Variants in ENOX1 observed in about 807,000 individuals in gnomAD.
ENOX1 encodes ecto-NOX disulfide-thiol exchanger 1.
ENOX1 carries 42 observed loss-of-function variants against 82.5 expected under a neutral mutation model. That is an observed-to-expected ratio of 0.51 (90% CI 0.40 to 0.66). The LOEUF (loss-of-function observed/expected upper bound fraction) is 0.66. ENOX1 is among the 30% of genes least tolerant of loss of function. ENOX1 has a pLI of 0.00. For missense variants in ENOX1, 608 were observed against 811.6 expected (o/e 0.75, Z 3.05); for synonymous variants, 271 against 282.2 (o/e 0.96, Z 0.40).
chr13:43,681,489 A>G (rs2085781150), intron 1 of ENOX1, among the ~76,000 whole-genome samples: 1 of 152,134 alleles, frequency 6.6e-6, no homozygotes, highest in South Asian at 2.1e-4. Context: ...CTTGGGAAGA[A>G]AATCTTGAGA....
At chr13:43,425,593 C>A (rs1193794110) in intron 3 of ENOX1, among the ~76,000 whole-genome samples, 1 of 152,122 alleles carries the variant, frequency 6.6e-6, no homozygotes, top group Non-Finnish European at 1.5e-5. Context: ...CCAAAGGACC[C>A]ATCTGCCTCT....
chr13:43,277,873 C>G (rs1338864629), intron 12 of ENOX1, among the ~76,000 whole-genome samples: 1 of 152,032 alleles, frequency 6.6e-6, no homozygotes, highest in Non-Finnish European at 1.5e-5. Flanking sequence ...TTTTTAGGAC[C>G]TCAGGAGGCA....
intron 1 of ENOX1, among the ~76,000 whole-genome samples, chr13:43,783,223 T>C (rs1225455987): frequency 1.3e-5 from 2 of 152,170 alleles, no homozygotes; most frequent in African/African-American, 2.4e-5. Flanking sequence ...GCAGGAATCA[T>C]AGGACTTTTA....
rs115887105 is a variant in ENOX1, at chr13:43,409,637, T to C, written c.208+2279A>G. On this transcript the variant is annotated intron_variant, in intron 5 of 16. Transcript: ENST00000690772. ...AACTTGGCTAGTAACAGTGAAAAAA[T>C]GGAAACAGCCTAAATGTAAATAGTA... 2.3e-3 allele frequency among the ~76,000 whole-genome samples: 350 copies of C among 152,190 alleles called. 2 individuals are homozygous for C. Among genetic ancestry groups the C allele is most frequent in the African/African-American group, 7.8e-3 (326 of 41,536 alleles).
At chr13:43,368,097 G>C (rs1364528249) in intron 5 of ENOX1, among the ~76,000 whole-genome samples, 2 of 152,196 alleles carry the variant, frequency 1.3e-5, no homozygotes, top group African/African-American at 4.8e-5. Context: ...CTTTAAGAAA[G>C]TGAAACTGAA....
intron 5 of ENOX1, among the ~76,000 whole-genome samples, chr13:43,397,810 T>C (rs1206129498): frequency 6.6e-6 from 1 of 152,238 alleles, no homozygotes; most frequent in Non-Finnish European, 1.5e-5. Flanking sequence ...TGAGATTATA[T>C]ACTGTGTGTC....
chr13:43,505,563 G>T (rs996662386), intron 2 of ENOX1, among the ~76,000 whole-genome samples: 4 of 152,048 alleles, frequency 2.6e-5, no homozygotes, highest in African/African-American at 9.7e-5. Context: ...CCCTTGAGAA[G>T]TGTCTGTTTA....
At chr13:43,316,215 C>G (rs2047474876) in intron 11 of ENOX1, among the ~76,000 whole-genome samples, 1 of 152,110 alleles carries the variant, frequency 6.6e-6, no homozygotes, top group African/African-American at 2.4e-5. Flanking sequence ...GAGACCCCAC[C>G]CAGGTCTAAG....
intron 2 of ENOX1, among the ~76,000 whole-genome samples, chr13:43,557,829 T>C (rs2079507772): frequency 6.6e-6 from 1 of 152,144 alleles, no homozygotes; most frequent in African/African-American, 2.4e-5. Flanking sequence ...AAAAAATTCA[T>C]TTTGTGGTTG....
At chr13:43,759,101 T>TC (rs1950819382) in intron 1 of ENOX1, among the ~76,000 whole-genome samples, 2 of 145,378 alleles carry the variant, frequency 1.4e-5, no homozygotes, top group Middle Eastern at 3.5e-3. Context: ...AAGTTTCTTT[T>TC]TTTTTTTTTT....
intron 2 of ENOX1, among the ~76,000 whole-genome samples, chr13:43,552,543 C>T (rs1045847647): frequency 2.2e-4 from 34 of 152,050 alleles, no homozygotes; most frequent in African/African-American, 8.2e-4. Flanking sequence ...TATTTCTCTG[C>T]ATCTCCATGT....
intron 9 of ENOX1, among the ~76,000 whole-genome samples, chr13:43,332,584 A>G (rs2048468783): frequency 6.6e-6 from 1 of 152,224 alleles, no homozygotes; most frequent in Non-Finnish European, 1.5e-5. Flanking sequence ...CAAGCAAGCA[A>G]GAAATGATCA....
chr13:43,600,134 A>C (rs1314859382), intron 2 of ENOX1, among the ~76,000 whole-genome samples: 1 of 152,080 alleles, frequency 6.6e-6, no homozygotes, highest in East Asian at 1.9e-4. Flanking sequence ...CTTACGCTTG[A>C]GAAAAGGAAA....
chr13:43,753,393 T>G (rs1274558580), intron 1 of ENOX1, among the ~76,000 whole-genome samples: 1 of 152,234 alleles, frequency 6.6e-6, no homozygotes, highest in Non-Finnish European at 1.5e-5. Flanking sequence ...TCTTGTCAGA[T>G]GTATCCCTAA....
At chr13:43,610,949 T>C (rs1324169731) in intron 2 of ENOX1, among the ~76,000 whole-genome samples, 2 of 152,202 alleles carry the variant, frequency 1.3e-5, no homozygotes, top group South Asian at 4.1e-4. Context: ...TAAAATAGGA[T>C]GGTGGTGGTT....
At chr13:43,403,734 G>A (rs2053627485) in intron 5 of ENOX1, among the ~76,000 whole-genome samples, 1 of 152,018 alleles carries the variant, frequency 6.6e-6, no homozygotes, top group Admixed American at 6.6e-5. Context: ...CCAGCTACTC[G>A]AGAAGCTGAG....
At chr13:43,656,741 A>G (rs867060694) in intron 2 of ENOX1, among the ~76,000 whole-genome samples, 3 of 152,282 alleles carry the variant, frequency 2.0e-5, no homozygotes, top group Non-Finnish European at 2.9e-5. Flanking sequence ...CAAATAGACC[A>G]CGCTGTCAGT....
intron 11 of ENOX1, among the ~76,000 whole-genome samples, chr13:43,318,880 C>G (rs1246445426): frequency 1.3e-5 from 2 of 152,190 alleles, no homozygotes; most frequent in Non-Finnish European, 2.9e-5. Context: ...GTTTTGCCAT[C>G]TGAGGCCTTA....
intron 2 of ENOX1, among the ~76,000 whole-genome samples, chr13:43,569,282 T>C (rs775001233): frequency 6.6e-6 from 1 of 152,146 alleles, no homozygotes; most frequent in Admixed American, 6.5e-5. Context: ...GCATATCACA[T>C]AAGCATATAA....
Sources: gnomAD v4.1 joint callset for allele counts (sites outside exome capture counted in the v4.1 genomes callset) on GRCh38, gnomAD v4.1.1 for gene constraint, MANE v1.5 for transcripts, NCBI Gene and HGNC (gene_info 2026-07-23, HGNC 2026-07-21) for gene names.